The following SUN3 variants were observed in gnomAD, a reference collection of about 807,000 sequenced individuals.
SUN3 encodes the protein SUN domain-containing protein 3.
A neutral mutation model predicts 48.2 loss-of-function variants in SUN3; 36 were observed. The observed-to-expected ratio is 0.75, with a 90% CI of 0.57 to 0.99. SUN3 has a LOEUF of 0.99. Ranked by LOEUF, SUN3 falls within the 50% of genes least tolerant of loss-of-function variation. The probability of loss-of-function intolerance (pLI) is 0.00; values close to 1 mark genes in which losing one functional copy is unlikely to be tolerated. For synonymous variants in SUN3, 148 were observed against 147.9 expected, an observed-to-expected ratio of 1.00 and a Z score of 0.00; for missense variants, 419 against 433.1, an observed-to-expected ratio of 0.97 and a Z score of 0.29.
chr7:48,021,704 T>A (rs1483995361), intron 2 of SUN3, among the ~76,000 whole-genome samples: 1 of 151,876 alleles, frequency 6.6e-6, no homozygotes, highest in Non-Finnish European at 1.5e-5. Context: ...GAAATGAAAA[T>A]CAACACTACA....
At chr7:48,007,023 C>T (rs1183232219) in intron 5 of SUN3, 142 bp downstream of exon 5, 1 of 768,972 alleles carries the variant, frequency 1.3e-6, no homozygotes, top group African/African-American at 1.8e-5. Context: ...TGTACACAAA[C>T]CAAATATCAG....
At chr7:48,035,543 G>A in the SUN3 span, 1 of 698,362 alleles carries the variant, frequency 1.4e-6, no homozygotes, top group Non-Finnish European at 2.6e-6. This position sits in a 1 kb window ranked among gnomAD's most constrained non-coding sequence, Gnocchi z 4.0. Flanking sequence ...CTGGGAGTTT[G>A]GGTTTGGTTG....
chr7:48,019,334 T>C (rs1789902340), intron 2 of SUN3, among the ~76,000 whole-genome samples: 1 of 151,994 alleles, frequency 6.6e-6, no homozygotes, highest in Non-Finnish European at 1.5e-5. Context: ...TAAGTGCCTA[T>C]ATTGAAAAAG....
At chr7:48,008,543 A>C (rs976879142) in intron 4 of SUN3, among the ~76,000 whole-genome samples, 1 of 152,232 alleles carries the variant, frequency 6.6e-6, no homozygotes, top group African/African-American at 2.4e-5. Context: ...ATCATAAATG[A>C]CATGGAAAGC....
the SUN3 span, among the ~76,000 whole-genome samples, chr7:48,034,799 T>C: frequency 1.3e-5 from 2 of 152,172 alleles, no homozygotes; most frequent in African/African-American, 4.8e-5. Context: ...AGCCAAGTGT[T>C]TGGAGTTCTA....
At chr7:47,997,025 C>G (rs890252332) in intron 6 of SUN3, among the ~76,000 whole-genome samples, 4 of 152,136 alleles carry the variant, frequency 2.6e-5, no homozygotes, top group Non-Finnish European at 5.9e-5. Context: ...TGGTCTCGAT[C>G]TCTTGACCTA....
intron 6 of SUN3, among the ~76,000 whole-genome samples, chr7:48,002,185 A>G (rs1281730578): frequency 2.3e-5 from 2 of 87,288 alleles, no homozygotes; most frequent in Admixed American, 1.7e-4. Flanking sequence ...TTTGAGACGG[A>G]GTCTCGCTCT....
chr7:48,009,149 A>T, intron 3 of SUN3, 74 bp from the exon 4 acceptor site: 1 of 1,459,626 alleles, frequency 6.9e-7, no homozygotes, highest in Non-Finnish European at 9.5e-7. Context: ...TTTCTCAGAA[A>T]AGGGAAATAA....
intron 3 of SUN3, among the ~76,000 whole-genome samples, chr7:48,011,848 T>C (rs1465045679): frequency 1.3e-5 from 2 of 152,154 alleles, no homozygotes; most frequent in Non-Finnish European, 2.9e-5. Context: ...AGTAAGATAA[T>C]GCGAGAAGGA....
chr7:48,017,567 T>C (rs757124216), intron 2 of SUN3, among the ~76,000 whole-genome samples: 5 of 152,184 alleles, frequency 3.3e-5, no homozygotes, highest in African/African-American at 7.2e-5. Context: ...CTAGTAAAGA[T>C]TGACAGAATC....
At chr7:48,034,524 T>C in the SUN3 span, among the ~76,000 whole-genome samples, 1 of 152,208 alleles carries the variant, frequency 6.6e-6, no homozygotes, top group Non-Finnish European at 1.5e-5. Flanking sequence ...TCTTTGAATG[T>C]TCTCTGTATC....
At chr7:48,025,713 T>C (rs1308010288) in intron 2 of SUN3, among the ~76,000 whole-genome samples, 164 bp downstream of exon 2, 1 of 152,174 alleles carries the variant, frequency 6.6e-6, no homozygotes, top group African/African-American at 2.4e-5. Flanking sequence ...ACTCTTACAA[T>C]CAGAAATAAA....
intron 6 of SUN3, among the ~76,000 whole-genome samples, chr7:47,999,491 C>T (rs930403424): frequency 1.3e-5 from 2 of 151,908 alleles, no homozygotes; most frequent in African/African-American, 4.8e-5. Flanking sequence ...TTCTTCATTT[C>T]CCTTTCCTGC....
In SUN3 at chr7:47,987,464, A is replaced by G. The variant is rs762081744; in HGVS notation, c.955-15T>C. ...GAAACTGCATGCTGAAAATAAAGAA[A>G]AGAAAATCAATGCCTTATAACGAAA... On this transcript the variant is annotated splice_polypyrimidine_tract_variant and intron_variant, in intron 9 of 9. Coordinates refer to ENST00000297325, the MANE Select transcript of SUN3 (RefSeq NM_001030019.2). The G allele has an allele frequency of 5.2e-5, 80 of 1,547,134 alleles. No individual in the cohort carries two copies. The highest frequency in any genetic ancestry group is 6.6e-5 in the Non-Finnish European group (76 of 1,147,456).
At chr7:48,017,111 A>G (rs1789834520) in intron 3 of SUN3, 151 bp downstream of exon 3, 1 of 581,174 alleles carries the variant, frequency 1.7e-6, no homozygotes, top group South Asian at 2.2e-5. Context: ...CATTCAAACC[A>G]CAGAAACCAC....
chr7:48,022,527 C>G (rs1246442707), intron 2 of SUN3, among the ~76,000 whole-genome samples: 3 of 151,802 alleles, frequency 2.0e-5, no homozygotes, highest in Non-Finnish European at 4.4e-5. Flanking sequence ...ATCTCAGGTA[C>G]CCCATAAGTA....
In SUN3 at chr7:48,028,893, G is replaced by T; in HGVS notation, c.46C>A (p.Arg16Ser). The T allele has an allele frequency of 6.2e-7, 1 of 1,613,912 alleles. No homozygotes were observed. Among genetic ancestry groups the T allele is most frequent in the East Asian group, 2.2e-5 (1 of 44,878 alleles). Residue 16 changes from arginine to serine, a missense_variant, in exon 1 of 10, where the codon CGT (arginine) becomes AGT (serine). Arg to Ser is a moderately radical substitution (Grantham distance 110, BLOSUM62 -1). Transcript: ENST00000297325. ...CTACCGCTGGCGTCTTCAGAGCAAC[G>T]TCTAAAAAACATGGCAGCCCTTCTT... ...KARRAAMFFR[R>S]CSEDASGSAS...
At chr7:48,027,300 A>G (rs978856359) in intron 1 of SUN3, among the ~76,000 whole-genome samples, 2 of 152,222 alleles carry the variant, frequency 1.3e-5, no homozygotes, top group African/African-American at 4.8e-5. Context: ...ACTACAAGCA[A>G]TGCAGCTATG....
Position 47,996,104 on chromosome 7 carries a change from T to G in SUN3, c.620A>C (p.Asn207Thr), listed in dbSNP as rs775000037. ...IEAGTSESYK[N>T]NKAKLYWHGI... is the part of the protein sequence containing the mutation. ...ATGCCAGTACAATTTTGCTTTATTA[T>G]TTTTATAACTTTCTGAGGTCCCAGC... is the stretch of plus-strand genomic sequence containing the variant. The change falls in exon 7 of 10, where the codon AAT becomes ACT. Residue 207 changes from asparagine (N) to threonine (T), a missense_variant. Transcript: ENST00000297325. 10 of 1,595,466 alleles carry G rather than the reference T, an allele frequency of 6.3e-6. No individual in the cohort carries two copies. In the Admixed American group the frequency reaches 1.6e-4, roughly 26 times the overall value.
Sources: allele counts gnomAD v4.1 joint callset (sites outside exome capture counted in the v4.1 genomes callset), GRCh38; gene constraint gnomAD v4.1.1; non-coding constraint Gnocchi (gnomAD v3.1); transcripts MANE v1.5; gene names NCBI Gene and HGNC (gene_info 2026-07-23, HGNC 2026-07-21).